Variants in EEFSEC observed in about 807,000 individuals in gnomAD.
The protein encoded by EEFSEC is eukaryotic elongation factor, selenocysteine-tRNA specific, also known as selenocysteine-specific elongation factor.
EEFSEC carries 43 observed loss-of-function variants against 42.1 expected under a neutral mutation model. The observed-to-expected ratio is 1.02, with a 90% CI of 0.80 to 1.32. EEFSEC has a LOEUF of 1.32. EEFSEC is among the 40% of genes most tolerant of loss of function. The pLI is 0.00. For missense variants in EEFSEC, 745 were observed against 803.6 expected (o/e 0.93, Z 0.88); for synonymous variants, 354 against 339.1 (o/e 1.04, Z -0.48).
At chr3:128,242,342 A>G (rs1028433283) in intron 1 of EEFSEC, among the ~76,000 whole-genome samples, 2 of 152,182 alleles carry the variant, frequency 1.3e-5, no homozygotes, top group Admixed American at 6.5e-5. Context: ...AAATAAATAA[A>G]TAACAAATAA....
intron 2 of EEFSEC, among the ~76,000 whole-genome samples, chr3:128,253,479 A>G (rs1045732345): frequency 6.6e-6 from 1 of 152,158 alleles, no homozygotes; most frequent in Non-Finnish European, 1.5e-5. Context: ...ACCCCTGCCC[A>G]TGGACTATTG....
chr3:128,203,041 A>G (rs2065658506), intron 1 of EEFSEC, among the ~76,000 whole-genome samples: 1 of 152,154 alleles, frequency 6.6e-6, no homozygotes, highest in Non-Finnish European at 1.5e-5. Context: ...ATTTTTTAAC[A>G]TGGTTTTAAC....
chr3:128,253,229 G>A (rs748245583), intron 2 of EEFSEC, among the ~76,000 whole-genome samples: 38 of 152,202 alleles, frequency 2.5e-4, no homozygotes, highest in African/African-American at 8.7e-4. Flanking sequence ...CCCCATGCAC[G>A]TTCCTACAAC....
Position 128,154,943 on chromosome 3 carries a change from C to T in EEFSEC, c.316+1120C>T, listed in dbSNP as rs72983598. ...GTCGTGGTGGGTACTGCCAAAATGC[C>T]CCACAAAGAGGTACCATTAATTTTT... On this transcript the variant is annotated intron_variant, in intron 1 of 6. Coordinates refer to ENST00000254730, the MANE Select transcript of EEFSEC (RefSeq NM_021937.5). 1.9e-3 allele frequency among the ~76,000 whole-genome samples: 295 copies of T among 152,174 alleles called. 1 individual carries two copies. Among genetic ancestry groups the T allele is most frequent in the African/African-American group, 6.7e-3 (280 of 41,518 alleles).
intron 6 of EEFSEC, among the ~76,000 whole-genome samples, chr3:128,378,243 G>T (rs769823094): frequency 6.6e-6 from 1 of 152,174 alleles, no homozygotes; most frequent in Admixed American, 6.5e-5. Context: ...GATGCCCTTT[G>T]TGACTGGCCC....
At chr3:128,255,639 A>C (rs1348518933) in intron 2 of EEFSEC, among the ~76,000 whole-genome samples, 1 of 152,224 alleles carries the variant, frequency 6.6e-6, no homozygotes, top group Non-Finnish European at 1.5e-5. Context: ...GACAGAAGTG[A>C]CCTTGTAAGA....
intron 1 of EEFSEC, among the ~76,000 whole-genome samples, chr3:128,199,224 A>G (rs576083764): frequency 1.3e-5 from 2 of 152,308 alleles, no homozygotes; most frequent in African/African-American, 4.8e-5. Flanking sequence ...CTCACTACAA[A>G]GCTTCTATGA....
At chr3:128,163,946 A>AAAAC (rs1553737106) in intron 1 of EEFSEC, among the ~76,000 whole-genome samples, 24 of 151,456 alleles carry the variant, frequency 1.6e-4, no homozygotes, top group East Asian at 1.2e-3. Context: ...GTGAAAAAAA[A>AAAAC]AAAAAACAAA....
intron 4 of EEFSEC, among the ~76,000 whole-genome samples, chr3:128,292,355 C>G (rs1313299164): frequency 6.6e-6 from 1 of 151,744 alleles, no homozygotes; most frequent in Non-Finnish European, 1.5e-5. Context: ...AGTTTTTGCT[C>G]TTTTTTTATT....
chr3:128,411,840 C>T (rs1190977170), downstream of EEFSEC, among the ~76,000 whole-genome samples: 2 of 152,252 alleles, frequency 1.3e-5, no homozygotes, highest in Non-Finnish European at 2.9e-5. Context: ...AGCTTCCGTG[C>T]TCCCAGGCCT....
At chr3:128,375,087 T>C (rs773881597) in intron 6 of EEFSEC, among the ~76,000 whole-genome samples, 2 of 152,188 alleles carry the variant, frequency 1.3e-5, no homozygotes, top group Non-Finnish European at 2.9e-5. Context: ...TTCCTTGTCC[T>C]ATATAAAAAA....
intron 4 of EEFSEC, among the ~76,000 whole-genome samples, chr3:128,264,997 C>T (rs562882317): frequency 7.2e-5 from 11 of 152,166 alleles, no homozygotes; most frequent in Non-Finnish European, 1.3e-4. Flanking sequence ...ATTCTCATAG[C>T]GCCTGTTTAT....
chr3:128,177,944 A>C (rs551075077), intron 1 of EEFSEC, among the ~76,000 whole-genome samples: 1 of 152,360 alleles, frequency 6.6e-6, no homozygotes, highest in South Asian at 2.1e-4. Context: ...CACATTCTTT[A>C]TATAAATGGG....
At chr3:128,263,319 T>C (rs1454040273) in intron 3 of EEFSEC, among the ~76,000 whole-genome samples, 3 of 152,252 alleles carry the variant, frequency 2.0e-5, no homozygotes, top group Non-Finnish European at 4.4e-5. Flanking sequence ...CCCAGGTTGA[T>C]CGCTGGGGTC....
chr3:128,164,352 G>A (rs975775429), intron 1 of EEFSEC, among the ~76,000 whole-genome samples: 3 of 152,182 alleles, frequency 2.0e-5, no homozygotes, highest in East Asian at 1.9e-4. Flanking sequence ...GGCTTTGATC[G>A]AGATGGGCAT....
rs903690966 is a variant in EEFSEC at position 128,223,855 on chromosome 3, T to G, written c.317-22981T>G. Among the ~76,000 whole-genome samples, 11 of 148,746 alleles carry G rather than the reference T, an allele frequency of 7.4e-5. No individual in the cohort carries two copies. The Admixed American group carries it at 7.5e-4, about 10-fold the overall frequency. On this transcript the variant is annotated intron_variant, in intron 1 of 6. Transcript: ENST00000254730. ...AGAAAACAGGAAAAGAAGAAATCAT[T>G]TGAAATGACATCAAAGATATAAAAA...
intron 4 of EEFSEC, among the ~76,000 whole-genome samples, chr3:128,332,805 CTTG>C (rs1482222951): frequency 1.3e-5 from 2 of 152,166 alleles, no homozygotes; most frequent in African/African-American, 2.4e-5. Context: ...CTAGGTTTGA[CTTG>C]TTGTGTGTGA....
intron 1 of EEFSEC, among the ~76,000 whole-genome samples, chr3:128,155,309 T>G (rs986614026): frequency 6.6e-6 from 1 of 152,052 alleles, no homozygotes; most frequent in African/African-American, 2.4e-5. Context: ...GACATGGGGT[T>G]TCACCATATT....
At chr3:128,351,410 C>T (rs759256076) in intron 5 of EEFSEC, among the ~76,000 whole-genome samples, 1 of 152,208 alleles carries the variant, frequency 6.6e-6, no homozygotes, top group South Asian at 2.1e-4. Flanking sequence ...AAGGAGGAAA[C>T]TGAGTTTCAG....
Sources: allele counts gnomAD v4.1 joint callset (sites outside exome capture counted in the v4.1 genomes callset), GRCh38; gene constraint gnomAD v4.1.1; transcripts MANE v1.5; gene names NCBI Gene and HGNC (gene_info 2026-07-23, HGNC 2026-07-21).